Variants in CDC42BPB observed in about 807,000 individuals in gnomAD.
CDC42BPB encodes the protein CDC42 binding protein kinase beta, also known as serine/threonine-protein kinase MRCK beta.
CDC42BPB carries 37 observed loss-of-function variants against 214.9 expected under a neutral mutation model. The ratio of observed to expected loss-of-function variants is 0.17; its 90% CI spans 0.13 to 0.23. The LOEUF is 0.23. Among genes scored for constraint, CDC42BPB ranks in the 10% least tolerant of loss-of-function variants. CDC42BPB has a pLI of 1.00. For synonymous variants in CDC42BPB, 931 were observed against 884.0 expected (o/e 1.05, Z -0.94); for missense variants, 1,694 against 2,227.0 (o/e 0.76, Z 4.82).
At chr14:102,965,892 G>A (rs1192470688) in intron 18 of CDC42BPB, among the ~76,000 whole-genome samples, 1 of 152,228 alleles carries the variant, frequency 6.6e-6, no homozygotes, top group Non-Finnish European at 1.5e-5. Flanking sequence ...GGGAGGCGGA[G>A]GTTGCAGTAA....
chr14:102,983,486 A>G (rs950814469), intron 7 of CDC42BPB, 70 bp downstream of exon 7: 5 of 1,585,776 alleles, frequency 3.2e-6, no homozygotes, highest in East Asian at 2.2e-5. Flanking sequence ...ATCTTCCTGC[A>G]CTAGTTGTGC....
At chr14:102,951,663 C>T (rs1892496166) in intron 24 of CDC42BPB, among the ~76,000 whole-genome samples, 1 of 151,844 alleles carries the variant, frequency 6.6e-6, no homozygotes, top group African/African-American at 2.4e-5. Context: ...GTGGCGTGGG[C>T]CTGTCCCCAG....
In CDC42BPB at chr14:102,999,688, C is replaced by T. The variant is rs748273726; in HGVS notation, c.473G>A (p.Gly158Asp). Residue 158 changes from glycine to aspartate, a missense_variant, in exon 5 of 37, where the codon GGT (glycine) becomes GAT (aspartate). By Grantham distance (94) the Gly-to-Asp change is moderately conservative. Coordinates refer to ENST00000361246, the MANE Select transcript of CDC42BPB (RefSeq NM_006035.4). ...GCTGAGCAGGGTCAGTAAATCACCA[C>T]CCACATAGTAATCCATGACTAAGTA... The part of the protein sequence containing the change: ...HLYLVMDYYV[G>D]GDLLTLLSKF... The T allele has an allele frequency of 6.2e-7, 1 of 1,614,144 alleles. No homozygotes were observed. Among genetic ancestry groups the T allele is most frequent in the Non-Finnish European group, 8.5e-7 (1 of 1,180,022 alleles).
intron 9 of CDC42BPB, among the ~76,000 whole-genome samples, chr14:102,977,044 G>A (rs1217044667): frequency 2.0e-5 from 3 of 152,092 alleles, no homozygotes; most frequent in South Asian, 2.1e-4. Flanking sequence ...AGCTCGAGCA[G>A]AAGTATGGGG....
At chr14:102,949,957 A>G in intron 25 of CDC42BPB, 53 bp from the exon 26 acceptor site, 1 of 1,604,670 alleles carries the variant, frequency 6.2e-7, no homozygotes. Context: ...GCAGGCCGCC[A>G]GGCCCCATTA....
At position 103,004,322 on chromosome 14, in the gene CDC42BPB, T is replaced by G; in HGVS notation, c.352-299A>C. On this transcript the variant is annotated intron_variant, in intron 3 of 36. Coordinates refer to ENST00000361246, the MANE Select transcript of CDC42BPB (RefSeq NM_006035.4). This position sits in a 1 kb window ranked among gnomAD's most constrained non-coding sequence, Gnocchi z 5.3. ...CCCCACCCTTATGTGGATTCCTGACTGGGCTCCTCCCACCTGGCACCTCCT... is the reference window on the plus strand; with the variant it reads ...CCCCACCCTTATGTGGATTCCTGACGGGGCTCCTCCCACCTGGCACCTCCT... 2.3e-6 allele frequency: 1 copy of G among 429,812 alleles called. No individual in the cohort carries two copies. Among genetic ancestry groups the G allele is most frequent in the Non-Finnish European group, 3.5e-6 (1 of 288,086 alleles). 26.6% of individuals were successfully genotyped at this position (429,812 alleles called of 1,614,324 possible).
intron 1 of CDC42BPB, among the ~76,000 whole-genome samples, chr14:103,045,868 C>G (rs1167528865): frequency 6.6e-6 from 1 of 152,182 alleles, no homozygotes; most frequent in Non-Finnish European, 1.5e-5. Context: ...ATTTTGTTTT[C>G]TTCACTGCTG....
intron 12 of CDC42BPB, among the ~76,000 whole-genome samples, chr14:102,973,148 A>G (rs1893562713): frequency 6.6e-6 from 1 of 152,218 alleles, no homozygotes; most frequent in South Asian, 2.1e-4. Context: ...CCACACGTGA[A>G]GGGGAGGCCT....
chr14:102,952,371 C>G (rs1892528173), intron 24 of CDC42BPB, 127 bp downstream of exon 24: 1 of 625,498 alleles, frequency 1.6e-6, no homozygotes, highest in East Asian at 2.8e-5. Flanking sequence ...GTCCTCAAAT[C>G]ATGCCAATGA....
At chr14:103,053,631 G>A (rs367674859) in intron 1 of CDC42BPB, among the ~76,000 whole-genome samples, 47 of 150,836 alleles carry the variant, frequency 3.1e-4, no homozygotes, top group East Asian at 1.2e-3. Context: ...GCGTGATGGC[G>A]GGCGCCTGTA....
rs35476881 is a variant in CDC42BPB at position 103,057,219 on chromosome 14, C to G, written c.-46G>C. 94 of 1,291,570 alleles carry G rather than the reference C, an allele frequency of 7.3e-5. No individual in the cohort carries two copies. In the African/African-American group the frequency reaches 1.3e-3, roughly 17 times the overall value. The allele number at this position is 1,291,570 out of a possible 1,614,324, so 80.0% of individuals were successfully genotyped here. On this transcript the variant is annotated 5_prime_UTR_variant, in exon 1 of 37. Coordinates refer to ENST00000361246, the MANE Select transcript of CDC42BPB (RefSeq NM_006035.4). ...CGACGCGCCGGCCTCTCACCGCCGG[C>G]TCGGCCAGTCCGTCAGGGCGCGCCC...
chr14:102,965,388 T>TAAAA (rs765936398), intron 18 of CDC42BPB, among the ~76,000 whole-genome samples: 1 of 115,256 alleles, frequency 8.7e-6, no homozygotes, highest in Admixed American at 9.3e-5. Flanking sequence ...TACCTGTGAT[T>TAAAA]AAAAAAAAAA....
intron 1 of CDC42BPB, among the ~76,000 whole-genome samples, chr14:103,047,944 T>A (rs899883707): frequency 6.6e-6 from 1 of 150,996 alleles, no homozygotes; most frequent in Admixed American, 6.6e-5. Context: ...TTCAAAAAAT[T>A]CACCTCCGAT....
chr14:102,984,483 G>C (rs1001508707), intron 6 of CDC42BPB, among the ~76,000 whole-genome samples: 1 of 152,110 alleles, frequency 6.6e-6, no homozygotes, highest in Non-Finnish European at 1.5e-5. Context: ...CCTGGACAGC[G>C]CACCAGGAGG....
At chr14:103,056,930 G>T in intron 1 of CDC42BPB, 69 bp downstream of exon 1, 1 of 1,134,316 alleles carries the variant, frequency 8.8e-7, no homozygotes. Flanking sequence ...ATGGGCGGGC[G>T]TGGGGATGCG....
At chr14:103,037,189 T>C (rs1427607268) in intron 1 of CDC42BPB, among the ~76,000 whole-genome samples, 2 of 152,202 alleles carry the variant, frequency 1.3e-5, no homozygotes, top group Non-Finnish European at 2.9e-5. Flanking sequence ...TGCTTTAAAA[T>C]AAAAAAGCAA....
At chr14:102,999,931 C>T in intron 4 of CDC42BPB, 1 of 983,904 alleles carries the variant, frequency 1.0e-6, no homozygotes, top group Non-Finnish European at 1.2e-6. Context: ...AGAGAGTGGA[C>T]TTCAGTAAGT....
intron 14 of CDC42BPB, 133 bp from the exon 15 acceptor site, chr14:102,968,849 G>C: frequency 6.7e-7 from 1 of 1,491,820 alleles, no homozygotes; most frequent in Admixed American, 2.4e-5. Context: ...TACACCAGAT[G>C]ACGTAGCTGA....
intron 14 of CDC42BPB, among the ~76,000 whole-genome samples, chr14:102,969,653 C>A (rs1427936920): frequency 1.3e-5 from 2 of 152,252 alleles, no homozygotes; most frequent in Non-Finnish European, 2.9e-5. Flanking sequence ...CCGCCTCCGG[C>A]CCCTTGCCCA....
Sources: gnomAD v4.1 joint callset for allele counts (sites outside exome capture counted in the v4.1 genomes callset) on GRCh38, gnomAD v4.1.1 for gene constraint, Gnocchi (gnomAD v3.1) non-coding constraint, MANE v1.5 for transcripts, NCBI Gene and HGNC (gene_info 2026-07-23, HGNC 2026-07-21) for gene names.